The following MAST3 variants were observed in gnomAD, a reference collection of about 807,000 sequenced individuals.
MAST3 encodes microtubule-associated serine/threonine-protein kinase 3.
In MAST3, 43 loss-of-function variants were observed where a neutral mutation model predicts 127.0. The observed-to-expected ratio is 0.34, with a 90% confidence interval of 0.27 to 0.44. The LOEUF (loss-of-function observed/expected upper bound fraction) is 0.44. Ranked by LOEUF, MAST3 falls within the 20% of genes least tolerant of loss-of-function variation. The pLI is 1.00. For synonymous variants in MAST3, 785 were observed against 809.2 expected, an observed-to-expected ratio of 0.97 and a Z score of 0.51; for missense variants, 1,390 against 1,919.1, an observed-to-expected ratio of 0.72 and a Z score of 5.15.
At chr19:18,137,965 G>C (rs1568596826) in intron 19 of MAST3, among the ~76,000 whole-genome samples, 1 of 152,146 alleles carries the variant, frequency 6.6e-6, no homozygotes, top group Non-Finnish European at 1.5e-5. Flanking sequence ...AGAACTTTGG[G>C]AGGCTGAGGT....
rs1203266973 is a variant in MAST3, at chr19:18,147,138, C to G, written c.3326+94C>G. On this transcript the variant is annotated intron_variant, in intron 26 of 27. Transcript: ENST00000687212. Reference sequence around the variant, plus strand: ...TTTTTTTTTGAGACAGAGTCTTGCTCTGTTGCCCAGGCTGGAGTGCAGTGG... The same window carrying G: ...TTTTTTTTTGAGACAGAGTCTTGCTGTGTTGCCCAGGCTGGAGTGCAGTGG... 73 of 1,154,836 alleles carry G rather than the reference C, an allele frequency of 6.3e-5. No homozygotes were observed. The East Asian group carries it at 1.6e-3, about 25-fold the overall frequency. 71.5% of individuals were successfully genotyped at this position (1,154,836 alleles called of 1,614,324 possible). A position where few individuals can be genotyped will look rare whatever the true frequency, so the allele number is the denominator to read the frequency against.
Position 18,110,029 on chromosome 19 carries a change from G to C in MAST3, c.72-623G>C, listed in dbSNP as rs973008801. On this transcript the variant is annotated intron_variant, in intron 2 of 27. Coordinates refer to ENST00000687212, the MANE Select transcript of MAST3 (RefSeq NM_001393504.1). This position sits in a 1 kb window ranked among gnomAD's most constrained non-coding sequence, Gnocchi z 4.3. ...CGGGGGCTCCCAAGCCGGCGGCCTC[G>C]GCGTCCCTGCGGCAGACAGGGCGGC... The C allele has an allele frequency of 5.1e-6, 5 of 985,240 alleles. No individual in the cohort carries two copies. The Admixed American group carries it at 2.5e-4, about 48-fold the overall frequency. 61.0% of individuals were successfully genotyped at this position (985,240 alleles called of 1,614,324 possible).
rs555988855 is a variant in MAST3, at chr19:18,130,787, GT to G, written c.1432+86del. 73 of 1,333,222 alleles carry G rather than the reference GT, an allele frequency of 5.5e-5. No homozygotes were observed. The African/African-American group carries it at 1.0e-3, about 18-fold the overall frequency. 82.6% of individuals were successfully genotyped at this position (1,333,222 alleles called of 1,614,324 possible). On this transcript the variant is annotated intron_variant, in intron 14 of 27. Coordinates refer to ENST00000687212, the MANE Select transcript of MAST3 (RefSeq NM_001393504.1). ...GAGAAAATTTTTAGACCAAGTTGAG[GT>G]CTGTTCTGTCCTCCATGAGGTCTCA...
chr19:18,131,268 A>G (rs543531196), intron 14 of MAST3, among the ~76,000 whole-genome samples: 36 of 152,138 alleles, frequency 2.4e-4, no homozygotes, highest in African/African-American at 8.0e-4. Flanking sequence ...AGTCCCAGCT[A>G]CTCGGGAGGC....
At chr19:18,146,343 T>C (rs1898007057) in intron 25 of MAST3, among the ~76,000 whole-genome samples, 1 of 151,652 alleles carries the variant, frequency 6.6e-6, no homozygotes, top group Non-Finnish European at 1.5e-5. Flanking sequence ...TACTTAGGAG[T>C]CTGAGGTGAG....
At chr19:18,125,721 A>G (rs1420827247) in intron 11 of MAST3, among the ~76,000 whole-genome samples, 12 of 145,390 alleles carry the variant, frequency 8.3e-5, no homozygotes, top group Middle Eastern at 4.5e-3. Context: ...AGCCTGGGCA[A>G]CAGGGCAAGA....
intron 3 of MAST3, among the ~76,000 whole-genome samples, chr19:18,113,379 G>T (rs1018845476): frequency 6.6e-6 from 1 of 151,998 alleles, no homozygotes; most frequent in Admixed American, 6.6e-5. Flanking sequence ...CCGCCTCCTG[G>T]GTCAAGCGAG....
Position 18,123,318 on chromosome 19 carries a change from G to C in MAST3, c.501G>C (p.Val167=). ...LSKHFRSSEN[V]LDEEGGRSPR... The stretch of plus-strand genomic sequence containing the variant: ...AGCACTTCCGCAGCTCAGAGAATGT[G>C]CTTGATGAGGAAGGCGGCCGGTCAC... Residue 167 remains valine (V), a synonymous_variant, in exon 7 of 28, where the codon GTG becomes GTC. Coordinates refer to ENST00000687212, the MANE Select transcript of MAST3 (RefSeq NM_001393504.1). The C allele has an allele frequency of 6.2e-7, 1 of 1,613,754 alleles. No individual in the cohort carries two copies. Among genetic ancestry groups the C allele is most frequent in the Non-Finnish European group, 8.5e-7 (1 of 1,179,878 alleles).
At chr19:18,122,107 C>T (rs2040052609) in intron 5 of MAST3, 185 bp downstream of exon 5, 3 of 985,318 alleles carry the variant, frequency 3.0e-6, no homozygotes, top group Non-Finnish European at 3.6e-6. Flanking sequence ...CATCTTGCAG[C>T]CACATCCCAC....
Position 18,149,183 on chromosome 19 carries a change from A to G in MAST3, c.3509-8A>G, listed in dbSNP as rs376887561. ...CCAGCAGCCCTGACCTACGCTTATC[A>G]CCCACAGATACCACTGCATCCCCAC... On this transcript the variant is annotated splice_polypyrimidine_tract_variant and splice_region_variant and intron_variant, in intron 27 of 27. Coordinates refer to ENST00000687212, the MANE Select transcript of MAST3 (RefSeq NM_001393504.1). This position sits in a 1 kb window ranked among gnomAD's most constrained non-coding sequence, Gnocchi z 5.9. 1.3e-4 allele frequency: 194 copies of G among 1,493,316 alleles called. No homozygotes were observed. The African/African-American group carries it at 2.5e-3, about 19-fold the overall frequency. 92.5% of individuals were successfully genotyped at this position (1,493,316 alleles called of 1,614,324 possible).
intron 25 of MAST3, among the ~76,000 whole-genome samples, chr19:18,146,177 G>C (rs910434624): frequency 2.0e-5 from 3 of 152,164 alleles, no homozygotes; most frequent in Admixed American, 1.3e-4. Context: ...GGTGGCACAC[G>C]CCTGTAATCC....
chr19:18,117,521 G>A (rs273476), intron 3 of MAST3, among the ~76,000 whole-genome samples: 144,549 of 152,230 alleles, frequency 0.95, 68,668 homozygotes, highest in African/African-American at 0.97. Flanking sequence ...GGAGCCCCCA[G>A]CCTGGGGAAG....
chr19:18,146,893 A>C lies in MAST3; in HGVS notation c.3175A>C (p.Ile1059Leu). The change falls in exon 26 of 28, where the codon ATA becomes CTA. Residue 1059 changes from isoleucine (I) to leucine (L), a missense_variant. Transcript: ENST00000687212. ...ATCCCTCCCGCAGAGCGGCAACAAGATATCCCTGCGGACCACAGCCCTGGA... is the reference window on the plus strand; with the variant it reads ...ATCCCTCCCGCAGAGCGGCAACAAGCTATCCCTGCGGACCACAGCCCTGGA... Reference protein sequence around the residue: ...VELLLKSGNKISLRTTALENT... With the variant: ...VELLLKSGNKLSLRTTALENT... 6.4e-7 allele frequency: 1 copy of C among 1,554,932 alleles called. No homozygotes were observed. Among genetic ancestry groups the C allele is most frequent in the Non-Finnish European group, 8.7e-7 (1 of 1,148,872 alleles).
At chr19:18,115,270 C>T (rs1313851304) in intron 3 of MAST3, among the ~76,000 whole-genome samples, 3 of 152,010 alleles carry the variant, frequency 2.0e-5, no homozygotes, top group Non-Finnish European at 4.4e-5. Flanking sequence ...CCCTGTTTTG[C>T]AGAGGGGGAA....
chr19:18,114,748 G>A (rs1024241679), intron 3 of MAST3, among the ~76,000 whole-genome samples: 10 of 152,258 alleles, frequency 6.6e-5, no homozygotes, highest in African/African-American at 2.4e-4. Flanking sequence ...CATGAGTTGG[G>A]CGCTCATAGG....
In MAST3 at chr19:18,106,966, A is replaced by ATTT. The variant is rs60298417; in HGVS notation, c.40-593_40-591dup. ...CAGGCTTGAGCCACCATGCCCAGCA[A>ATTT]TTTTTTTTTTTTTTTTTTTTTTTTT... On this transcript the variant is annotated intron_variant, in intron 1 of 27. Coordinates refer to ENST00000687212, the MANE Select transcript of MAST3 (RefSeq NM_001393504.1). 3.4e-3 allele frequency among the ~76,000 whole-genome samples: 251 copies of ATTT among 73,926 alleles called. 12 individuals are homozygous for ATTT. The highest frequency in any genetic ancestry group is 4.4e-3 in the African/African-American group (70 of 15,996). 48.5% of individuals were successfully genotyped at this position (73,926 alleles called of 152,430 possible).
chr19:18,142,981 G>A (rs1324510251), intron 21 of MAST3, among the ~76,000 whole-genome samples: 2 of 151,250 alleles, frequency 1.3e-5, no homozygotes, highest in Non-Finnish European at 2.9e-5. Context: ...GCATAGTGGT[G>A]CACGCCTGTA....
rs1568615649 is a variant in MAST3 at position 18,147,024 on chromosome 19, GGCAGTGACCA to G, written c.3307_3316del (p.Ala1103ProfsTer234). The G allele has an allele frequency of 6.4e-7, 1 of 1,572,212 alleles. No homozygotes were observed. Among genetic ancestry groups the G allele is most frequent in the South Asian group, 1.2e-5 (1 of 85,548 alleles). ...GGCGGGAGACCCAGGATCGGTGCGC[GGCAGTGACCA>G]CCAGGGAGCGGTACACAGGGGGCGG... On this transcript the variant is annotated frameshift_variant, in exon 26 of 28. Transcript: ENST00000687212. LOFTEE classifies it high-confidence loss of function.
chr19:18,149,068 C>G lies in MAST3; in HGVS notation c.3509-123C>G, dbSNP rs1253203700. On this transcript the variant is annotated intron_variant, in intron 27 of 27. Coordinates refer to ENST00000687212, the MANE Select transcript of MAST3 (RefSeq NM_001393504.1). This position sits in a 1 kb window ranked among gnomAD's most constrained non-coding sequence, Gnocchi z 5.9. Reference sequence around the variant, plus strand: ...ACCCTGTCTCAAAAACAAAAACAACCAGGCATGATGGGTGGCCACATGGAA... The same window carrying G: ...ACCCTGTCTCAAAAACAAAAACAACGAGGCATGATGGGTGGCCACATGGAA... 1 of 1,078,318 alleles carries G rather than the reference C, an allele frequency of 9.3e-7. No individual in the cohort carries two copies. Among genetic ancestry groups the G allele is most frequent in the Non-Finnish European group, 1.3e-6 (1 of 793,478 alleles). 66.8% of individuals were successfully genotyped at this position (1,078,318 alleles called of 1,614,324 possible).
Sources: allele counts gnomAD v4.1 joint callset (sites outside exome capture counted in the v4.1 genomes callset), GRCh38; gene constraint gnomAD v4.1.1; non-coding constraint Gnocchi (gnomAD v3.1); transcripts MANE v1.5; gene names NCBI Gene and HGNC (gene_info 2026-07-23, HGNC 2026-07-21).